Variants in KDM6A observed in about 807,000 individuals in gnomAD.
The protein encoded by KDM6A is lysine demethylase 6A, also known as lysine-specific demethylase 6A.
Under a neutral mutation model 117.6 loss-of-function variants are expected in KDM6A, and 11 were observed. The ratio of observed to expected loss-of-function variants is 0.09; its 90% CI spans 0.06 to 0.15. The LOEUF is 0.15. Among genes scored for constraint, KDM6A ranks in the 10% least tolerant of loss-of-function variants. The pLI, the probability that KDM6A is intolerant of heterozygous loss-of-function variation, is 1.00. For missense variants in KDM6A, 799 were observed against 1,077.3 expected, an observed-to-expected ratio of 0.74 and a Z score of 3.62; for synonymous variants, 384 against 396.1, an observed-to-expected ratio of 0.97 and a Z score of 0.36.
At chrX:44,898,927 T>TTGG (rs746465792) in intron 2 of KDM6A, among the ~76,000 whole-genome samples, 1 of 103,875 alleles carries the variant, frequency 9.6e-6, no homozygotes, top group African/African-American at 3.6e-5. Flanking sequence ...CTTCTTCTGC[T>TTGG]TGGTGGTGGT....
At chrX:45,068,588 C>G (rs1417037053) in intron 17 of KDM6A, among the ~76,000 whole-genome samples, 4 of 102,460 alleles carry the variant, frequency 3.9e-5, no homozygotes, top group Non-Finnish European at 5.9e-5. Context: ...AAGAGAGACA[C>G]AAGGTTCTGC....
At chrX:45,076,873 C>T (rs374570876) in intron 19 of KDM6A, 47 bp downstream of exon 19, 38 of 1,091,412 alleles carry the variant, frequency 3.5e-5, no homozygotes, top group Non-Finnish European at 4.5e-5. Context: ...TTTGCAACTA[C>T]CTGTCTTTCA....
intron 2 of KDM6A, among the ~76,000 whole-genome samples, chrX:44,890,740 C>T (rs1248502810): frequency 1.0e-5 from 1 of 99,934 alleles, no homozygotes; most frequent in Non-Finnish European, 2.0e-5. Context: ...CTGCAACCTC[C>T]GACTCCTGGG....
At chrX:44,974,584 G>C (rs976131678) in intron 3 of KDM6A, 82 bp from the exon 4 acceptor site, 2 of 671,354 alleles carry the variant, frequency 3.0e-6, no homozygotes, top group Non-Finnish European at 4.9e-6. Context: ...GGTGTGGTGG[G>C]AATCTTGTTA....
chrX:45,062,655 A>T lies in KDM6A; in HGVS notation c.1590A>T (p.Glu530Asp). The change falls in exon 16 of 30, where the codon GAA (glutamate) becomes GAT (aspartate). Residue 530 changes from glutamate (E) to aspartate (D), a missense_variant. Around this residue, in one of 8 missense-constraint regions of KDM6A, gnomAD observed 301 missense variants for 318.3 expected, o/e 0.95. Transcript: ENST00000611820. The stretch of plus-strand genomic sequence containing the variant: ...TTTTGTTCTTCTTCTAGCATTTGGA[A>T]CAGCTCCGCGCAAATAGAAATAATT... ...CLTPQKLQHLEQLRANRNNLN... is the reference protein window; with the variant it reads ...CLTPQKLQHLDQLRANRNNLN... 1 of 1,196,415 alleles carries T rather than the reference A, an allele frequency of 8.4e-7. No homozygotes were observed. Among genetic ancestry groups the T allele is most frequent in the Non-Finnish European group, 1.1e-6 (1 of 881,793 alleles).
rs200402795 is a variant in KDM6A at position 45,011,868 on chromosome X, C to T, written c.443+849C>T. Among the ~76,000 whole-genome samples, 5 of 110,929 alleles carry T rather than the reference C, an allele frequency of 4.5e-5. No individual in the cohort carries two copies. The East Asian group carries it at 1.4e-3, about 31-fold the overall frequency. ...TGGCGAGATTGCAGCTTACTGCAGT[C>T]TCAATCTATTGTGTTCAAGCAGTCC... On this transcript the variant is annotated intron_variant, in intron 5 of 29. Transcript: ENST00000611820.
At chrX:44,934,041 A>G (rs2036829341) in intron 2 of KDM6A, among the ~76,000 whole-genome samples, 1 of 112,850 alleles carries the variant, frequency 8.9e-6, no homozygotes, top group African/African-American at 3.2e-5. Context: ...TTTACTTTAA[A>G]TAATTTCCCT....
intron 18 of KDM6A, among the ~76,000 whole-genome samples, chrX:45,071,166 CA>C (rs1165226196): frequency 1.1e-3 from 124 of 112,026 alleles, no homozygotes; most frequent in African/African-American, 3.6e-3. Flanking sequence ...ATAACTGGAA[CA>C]AACAAATAAT....
intron 2 of KDM6A, among the ~76,000 whole-genome samples, chrX:44,921,747 T>TATAA (rs1448798054): frequency 9.0e-6 from 1 of 110,852 alleles, no homozygotes; most frequent in East Asian, 2.8e-4. Context: ...ATTTGGCTCT[T>TATAA]ATAAATAAAC....
Position 45,070,136 on chromosome X carries a change from A to G in KDM6A, c.2637A>G (p.Thr879=), listed in dbSNP as rs774419812. The G allele has an allele frequency of 3.7e-5, 45 of 1,209,957 alleles. No individual in the cohort carries two copies. The East Asian group carries it at 1.1e-3, about 29-fold the overall frequency. The part of the protein sequence containing the change: ...SSPSSAISTA[T]PSPKSTEQTT... ...CATCTTCAGCCATTTCAACAGCAAC[A>G]CCTTCTCCAAAATCCACTGAGCAGA... Residue 879 remains threonine, a synonymous_variant, in exon 18 of 30, where the codon ACA becomes ACG. Coordinates refer to ENST00000611820, the MANE Select transcript of KDM6A (RefSeq NM_001291415.2).
chrX:44,919,275 G>C (rs746992278), intron 2 of KDM6A, among the ~76,000 whole-genome samples: 1 of 111,363 alleles, frequency 9.0e-6, no homozygotes, highest in African/African-American at 3.3e-5. Flanking sequence ...ATTACATTGA[G>C]TTGTCATGTC....
intron 8 of KDM6A, among the ~76,000 whole-genome samples, chrX:45,038,542 G>T (rs1029795449): frequency 9.4e-6 from 1 of 106,724 alleles, no homozygotes; most frequent in Non-Finnish European, 1.9e-5. Context: ...ACACGGTCAA[G>T]ATTGATACAT....
At chrX:45,007,349 A>G (rs771759050) in intron 4 of KDM6A, among the ~76,000 whole-genome samples, 1 of 111,066 alleles carries the variant, frequency 9.0e-6, no homozygotes, top group Non-Finnish European at 1.9e-5. Context: ...TTTATTTCCT[A>G]TTTTAAAAAA....
At chrX:44,933,744 A>G (rs140782741) in intron 2 of KDM6A, among the ~76,000 whole-genome samples, 3,043 of 108,447 alleles carry the variant, frequency 0.028, 119 homozygotes, top group African/African-American at 0.098. Flanking sequence ...TGCCTGGCTA[A>G]TTCTGGTAGT....
chrX:44,886,697 G>T (rs1489971548), intron 2 of KDM6A, among the ~76,000 whole-genome samples: 7 of 108,118 alleles, frequency 6.5e-5, no homozygotes, highest in African/African-American at 2.0e-4. Flanking sequence ...CACCATGTTG[G>T]CCAGGCTGGT....
At chrX:44,875,100 G>A (rs934305315) in intron 2 of KDM6A, among the ~76,000 whole-genome samples, 2 of 112,044 alleles carry the variant, frequency 1.8e-5, no homozygotes, top group South Asian at 7.2e-4. Context: ...TTCGTAATTG[G>A]GACCGTGAAA....
In KDM6A at chrX:45,089,013, G is replaced by A. The variant is rs73493121; in HGVS notation, c.3705-730G>A. Among the ~76,000 whole-genome samples the A allele has an allele frequency of 3.1e-3, 349 of 111,877 alleles. 4 individuals are homozygous for A. Among genetic ancestry groups the A allele is most frequent in the African/African-American group, 9.6e-3 (297 of 30,803 alleles). On this transcript the variant is annotated intron_variant, in intron 25 of 29. Coordinates refer to ENST00000611820, the MANE Select transcript of KDM6A (RefSeq NM_001291415.2). ...CCTCAGAAATTAAGGGAAGTTCCTGGTACTTGTATTGCCACAGTGTTCCTG... is the reference window on the plus strand; with the variant it reads ...CCTCAGAAATTAAGGGAAGTTCCTGATACTTGTATTGCCACAGTGTTCCTG...
In KDM6A at chrX:45,111,373, T is replaced by A. The variant is rs1249566072; in HGVS notation, c.4333-9T>A. ...ATATCAAAATAACCTACCTTACTTT[T>A]ATTTTCAGGCTCCTCCATTACCATC... On this transcript the variant is annotated splice_polypyrimidine_tract_variant and intron_variant, in intron 29 of 29. Transcript: ENST00000611820. The A allele has an allele frequency of 1.7e-6, 2 of 1,191,931 alleles. No homozygotes were observed. Among genetic ancestry groups the A allele is most frequent in the Admixed American group, 2.2e-5 (1 of 45,949 alleles).
chrX:45,015,345 G>A (rs2041919703), intron 5 of KDM6A, among the ~76,000 whole-genome samples: 2 of 110,764 alleles, frequency 1.8e-5, no homozygotes, highest in Non-Finnish European at 3.8e-5. Context: ...GAACCCCTGG[G>A]CTCAAGCAGT....
Sources: allele counts gnomAD v4.1 joint callset (sites outside exome capture counted in the v4.1 genomes callset), GRCh38; gene constraint gnomAD v4.1.1; regional missense constraint gnomAD v4.1.1; transcripts MANE v1.5; gene names NCBI Gene and HGNC (gene_info 2026-07-23, HGNC 2026-07-21).